PPARGC1A: variants seen among roughly 807,000 people sequenced by gnomAD.
PPARGC1A encodes PPARG coactivator 1 alpha.
PPARGC1A carries 25 observed loss-of-function variants against 88.7 expected under a neutral mutation model. The observed-to-expected ratio is 0.28, with a 90% CI of 0.21 to 0.39. PPARGC1A has a LOEUF of 0.39. PPARGC1A is among the 10% of genes least tolerant of loss of function. PPARGC1A has a pLI of 1.00. For missense variants in PPARGC1A, 880 were observed against 968.7 expected, an observed-to-expected ratio of 0.91 and a Z score of 1.22; for synonymous variants, 363 against 355.6, an observed-to-expected ratio of 1.02 and a Z score of -0.24.
chr4:24,295,030 C>T, the PPARGC1A span, among the ~76,000 whole-genome samples: 6 of 152,244 alleles, frequency 3.9e-5, no homozygotes, highest in African/African-American at 2.4e-5. Context: ...TGGTCAATCA[C>T]AGGCATCAAT....
upstream of PPARGC1A, among the ~76,000 whole-genome samples, chr4:23,903,431 T>C (rs976426976): frequency 3.3e-5 from 5 of 152,208 alleles, no homozygotes; most frequent in African/African-American, 1.2e-4. Flanking sequence ...ACAACTTCAC[T>C]AATAGCAAGC....
chr4:24,124,069 T>C, the PPARGC1A span, among the ~76,000 whole-genome samples: 2 of 152,282 alleles, frequency 1.3e-5, 1 homozygote, highest in Middle Eastern at 6.8e-3. Flanking sequence ...GGGCTCTTTC[T>C]ACATGCAGAA....
At chr4:24,010,712 A>C in the PPARGC1A span, among the ~76,000 whole-genome samples, 2 of 152,350 alleles carry the variant, frequency 1.3e-5, no homozygotes, top group South Asian at 4.1e-4. Flanking sequence ...AGTTTTGATA[A>C]ATATGTACCT....
chr4:24,184,366 C>A, the PPARGC1A span, among the ~76,000 whole-genome samples: 11 of 152,156 alleles, frequency 7.2e-5, no homozygotes, highest in African/African-American at 2.7e-4. Context: ...TTCTTTCCCG[C>A]CTCCCATGGG....
chr4:24,337,725 T>G, the PPARGC1A span, among the ~76,000 whole-genome samples: 2 of 149,068 alleles, frequency 1.3e-5, no homozygotes, highest in African/African-American at 4.9e-5. Flanking sequence ...TTGAGCAAAT[T>G]AAATAACTTG....
At chr4:24,416,209 G>A in the PPARGC1A span, among the ~76,000 whole-genome samples, 2 of 152,214 alleles carry the variant, frequency 1.3e-5, no homozygotes, top group Non-Finnish European at 2.9e-5. Flanking sequence ...GAAGCACAAT[G>A]TCTTATGCTA....
the PPARGC1A span, among the ~76,000 whole-genome samples, chr4:24,433,942 G>T: frequency 0.053 from 8,085 of 152,198 alleles, 284 homozygotes; most frequent in Middle Eastern, 0.1. Context: ...CTCGCTGGCC[G>T]CCATAATGAC....
chr4:23,951,413 T>C, the PPARGC1A span, among the ~76,000 whole-genome samples: 2 of 152,118 alleles, frequency 1.3e-5, no homozygotes, highest in African/African-American at 4.8e-5. Context: ...CTAGGGAGTA[T>C]GAGAAACAAC....
At chr4:24,287,207 CA>C in the PPARGC1A span, among the ~76,000 whole-genome samples, 124 of 144,730 alleles carry the variant, frequency 8.6e-4, no homozygotes, top group Admixed American at 1.4e-3. Context: ...CAGTTGTGAC[CA>C]AAAAAAAAAA....
chr4:24,393,043 AC>A, the PPARGC1A span, among the ~76,000 whole-genome samples: 2 of 99,440 alleles, frequency 2.0e-5, no homozygotes, highest in African/African-American at 6.6e-5. Flanking sequence ...ACACACACAC[AC>A]ACACCCCTTT....
At chr4:23,858,056 G>A (rs1730527182) in intron 2 of PPARGC1A, among the ~76,000 whole-genome samples, 1 of 151,918 alleles carries the variant, frequency 6.6e-6, no homozygotes. Flanking sequence ...GCTTTCCGTG[G>A]AATGAAATGG....
the PPARGC1A span, among the ~76,000 whole-genome samples, chr4:24,213,725 T>G: frequency 5.3e-5 from 8 of 151,668 alleles, no homozygotes; most frequent in Non-Finnish European, 1.2e-4. Flanking sequence ...GTGCATGTGT[T>G]TGTGTGTGTG....
At chr4:24,261,140 G>T in the PPARGC1A span, among the ~76,000 whole-genome samples, 1 of 152,140 alleles carries the variant, frequency 6.6e-6, no homozygotes, top group Non-Finnish European at 1.5e-5. Flanking sequence ...TACTGGGAGA[G>T]TCTCTGGGTA....
At chr4:24,308,293 G>GAAAAAAAAAAAAAAAAAAAGAAAA in the PPARGC1A span, among the ~76,000 whole-genome samples, 1 of 72,950 alleles carries the variant, frequency 1.4e-5, no homozygotes, top group African/African-American at 4.9e-5. Flanking sequence ...CTCTGCCACC[G>GAAAAAAAAAAAAAAAAAAAGAAAA]AAAAAAAAAA....
At chr4:23,928,618 T>G in the PPARGC1A span, among the ~76,000 whole-genome samples, 1 of 151,968 alleles carries the variant, frequency 6.6e-6, no homozygotes. Context: ...TAAAGGAATA[T>G]AAATCATTCT....
chr4:24,159,106 A>G, the PPARGC1A span, among the ~76,000 whole-genome samples: 3 of 152,016 alleles, frequency 2.0e-5, no homozygotes, highest in Admixed American at 6.6e-5. Context: ...ACAAGCATTT[A>G]TAAATGTTGT....
chr4:23,847,556 C>T (rs1728534860), intron 2 of PPARGC1A, among the ~76,000 whole-genome samples: 1 of 152,200 alleles, frequency 6.6e-6, no homozygotes, highest in African/African-American at 2.4e-5. Flanking sequence ...TCACAGATCA[C>T]ATTAGAGTTA....
At chr4:24,060,400 C>G in the PPARGC1A span, among the ~76,000 whole-genome samples, 1 of 152,068 alleles carries the variant, frequency 6.6e-6, no homozygotes, top group Non-Finnish European at 1.5e-5. Flanking sequence ...TTTTAATATG[C>G]CTGTTTTTCA....
the PPARGC1A span, among the ~76,000 whole-genome samples, chr4:23,971,774 A>G: frequency 2.0e-5 from 3 of 152,176 alleles, no homozygotes; most frequent in Non-Finnish European, 4.4e-5. Context: ...GCCCAGGATC[A>G]ATACTTTGTA....
Sources: allele counts gnomAD v4.1 joint callset (sites outside exome capture counted in the v4.1 genomes callset), GRCh38; gene constraint gnomAD v4.1.1; transcripts MANE v1.5; gene names NCBI Gene and HGNC (gene_info 2026-07-23, HGNC 2026-07-21).